C2CD3: variants seen among roughly 807,000 people sequenced by gnomAD.
The protein encoded by C2CD3 is C2 domain containing 3 centriole elongation regulator.
Under a neutral mutation model 234.0 loss-of-function variants are expected in C2CD3, and 148 were observed. The ratio of observed to expected loss-of-function variants is 0.63; its 90% CI spans 0.55 to 0.72. C2CD3 has a LOEUF of 0.72. C2CD3 is among the 30% of genes least tolerant of loss of function. The pLI, the probability that C2CD3 is intolerant of heterozygous loss-of-function variation, is 0.00. For synonymous variants in C2CD3, 1,000 were observed against 1,035.4 expected, an observed-to-expected ratio of 0.97 and a Z score of 0.66; for missense variants, 2,577 against 2,811.5, an observed-to-expected ratio of 0.92 and a Z score of 1.89.
At chr11:74,117,361 A>AATATATATATATAT (rs71469494) in intron 9 of C2CD3, among the ~76,000 whole-genome samples, 1,689 of 94,596 alleles carry the variant, frequency 0.018, 45 homozygotes, top group Non-Finnish European at 0.023. Flanking sequence ...TTTGGCCTCA[A>AATATATATATATAT]ATATATATAT....
At chr11:74,078,080 C>A in intron 23 of C2CD3, 35 bp downstream of exon 23, 1 of 1,587,516 alleles carries the variant, frequency 6.3e-7, no homozygotes, top group South Asian at 1.2e-5. Flanking sequence ...AGCAGGTGCT[C>A]AAACTACAAG....
At position 74,132,955 on chromosome 11, in the gene C2CD3, C is replaced by T; in HGVS notation, c.1106G>A (p.Arg369Lys). ...RASTQIRAFS[R>K]NRFKDHIEDH... ...TTCAATGTGGTCTTTAAACCGATTCCTAGAAAAGGCTCTGATCCTAAGGTG... is the reference window on the plus strand; with the variant it reads ...TTCAATGTGGTCTTTAAACCGATTCTTAGAAAAGGCTCTGATCCTAAGGTG... The change falls in exon 7 of 33, where the codon AGG (arginine) becomes AAG (lysine). Residue 369 changes from arginine to lysine, a missense_variant. Physicochemically the swap from Arg to Lys is conservative, Grantham distance 26 (BLOSUM62 2). Transcript: ENST00000334126. The T allele has an allele frequency of 3.1e-6, 5 of 1,613,754 alleles. No homozygotes were observed. Among genetic ancestry groups the T allele is most frequent in the Non-Finnish European group, 4.2e-6 (5 of 1,179,776 alleles).
chr11:74,100,435 T>G lies in C2CD3; in HGVS notation c.2732+90A>C. 21 of 1,201,094 alleles carry G rather than the reference T, an allele frequency of 1.7e-5. No homozygotes were observed. The South Asian group carries it at 3.1e-4, about 18-fold the overall frequency. 74.4% of individuals were successfully genotyped at this position (1,201,094 alleles called of 1,614,324 possible). On this transcript the variant is annotated intron_variant, in intron 15 of 32. Transcript: ENST00000334126. ...AAAGTCCTTCAAGGGATTACTGGGC[T>G]ATTCATGTTTGCAAATCAAAAGAAT...
chr11:74,112,064 G>A (rs1052201543), intron 11 of C2CD3, among the ~76,000 whole-genome samples: 8 of 151,868 alleles, frequency 5.3e-5, no homozygotes, highest in East Asian at 1.9e-4. Context: ...GGATGCAACC[G>A]TTCAATTTTG....
At chr11:74,047,451 G>A (rs758167374) in intron 28 of C2CD3, among the ~76,000 whole-genome samples, 27 of 152,316 alleles carry the variant, frequency 1.8e-4, no homozygotes, top group Non-Finnish European at 3.1e-4. Flanking sequence ...TAAAATCTGG[G>A]ATCTAGGAAT....
chr11:74,103,081 T>A (rs371328557), intron 14 of C2CD3, 50 bp downstream of exon 14: 1 of 1,515,090 alleles, frequency 6.6e-7, no homozygotes, highest in Non-Finnish European at 8.9e-7. Flanking sequence ...GGGAGGCATT[T>A]GTCTCTCACC....
chr11:74,054,655 G>GGTTT lies in C2CD3; in HGVS notation c.5106_5107insAAAC (p.Leu1703LysfsTer16). On this transcript the variant is annotated frameshift_variant, in exon 26 of 33. Coordinates refer to ENST00000334126, the MANE Select transcript of C2CD3 (RefSeq NM_001286577.2). LOFTEE classifies it high-confidence loss of function. ...ACCAGGGTTTGTTGTGGGTCCAGAA[G>GGTTT]CAGCTCTTTTGATAGCCTATTAAGA... 6.2e-7 allele frequency: 1 copy of GGTTT among 1,612,270 alleles called. No homozygotes were observed. Among genetic ancestry groups the GGTTT allele is most frequent in the Non-Finnish European group, 8.5e-7 (1 of 1,178,950 alleles).
At chr11:74,147,771 T>G (rs902476509) in intron 3 of C2CD3, among the ~76,000 whole-genome samples, 1 of 152,226 alleles carries the variant, frequency 6.6e-6, no homozygotes, top group Non-Finnish European at 1.5e-5. Context: ...GGCAAGGAAC[T>G]ATCTGTCCTA....
intron 7 of C2CD3, among the ~76,000 whole-genome samples, chr11:74,130,852 C>T (rs912371435): frequency 6.6e-6 from 1 of 152,084 alleles, no homozygotes; most frequent in Non-Finnish European, 1.5e-5. Flanking sequence ...ATTTGAGAAA[C>T]AGCTTGTCAA....
At chr11:74,129,203 G>T (rs1176969997) in intron 7 of C2CD3, 14 of 174,028 alleles carry the variant, frequency 8.0e-5, no homozygotes, top group Admixed American at 7.7e-4. Flanking sequence ...CCGGGACGGG[G>T]TGGCTGCCGG....
At chr11:74,025,655 G>C (rs1014566873) in intron 32 of C2CD3, among the ~76,000 whole-genome samples, 23 of 152,140 alleles carry the variant, frequency 1.5e-4, no homozygotes, top group Admixed American at 2.6e-4. Flanking sequence ...GAGGCCTGAA[G>C]GCTTGTCTAA....
intron 26 of C2CD3, among the ~76,000 whole-genome samples, chr11:74,052,125 C>T (rs1437501189): frequency 1.3e-5 from 2 of 152,174 alleles, no homozygotes; most frequent in Admixed American, 6.5e-5. Context: ...CATCTACATA[C>T]ACTAAGTAGT....
intron 10 of C2CD3, 135 bp from the exon 11 acceptor site, chr11:74,114,027 T>TTC: frequency 5.0e-6 from 3 of 605,524 alleles, no homozygotes; most frequent in Non-Finnish European, 8.6e-6. Flanking sequence ...CTTCAAAGCC[T>TTC]TCCACCAACC....
At chr11:74,070,222 T>C (rs1954732175) in intron 24 of C2CD3, among the ~76,000 whole-genome samples, 1 of 152,210 alleles carries the variant, frequency 6.6e-6, no homozygotes, top group Admixed American at 6.5e-5. Context: ...CCTCAGAGCT[T>C]TTTCTAACAT....
chr11:74,015,522 T>G (rs1250084215), intron 32 of C2CD3, among the ~76,000 whole-genome samples: 3 of 152,214 alleles, frequency 2.0e-5, no homozygotes, highest in African/African-American at 7.2e-5. Flanking sequence ...AGGTAGATTT[T>G]CTGGGTCATC....
chr11:74,117,894 CAA>C (rs371834587), intron 9 of C2CD3, among the ~76,000 whole-genome samples: 2 of 132,294 alleles, frequency 1.5e-5, no homozygotes, highest in African/African-American at 2.8e-5. Context: ...GTCTGGGAAA[CAA>C]GAGCGAAACT....
At chr11:74,030,330 T>G (rs1952473167) in intron 31 of C2CD3, among the ~76,000 whole-genome samples, 1 of 152,218 alleles carries the variant, frequency 6.6e-6, no homozygotes, top group South Asian at 2.1e-4. Flanking sequence ...TATTCTTATC[T>G]CCTCAGTTTA....
chr11:74,099,626 G>A (rs1956236315), intron 15 of C2CD3, among the ~76,000 whole-genome samples: 1 of 152,182 alleles, frequency 6.6e-6, no homozygotes, highest in African/African-American at 2.4e-5. Flanking sequence ...GCTGGGCGCG[G>A]TGGCTCATGC....
At position 74,117,091 on chromosome 11, in the gene C2CD3, T is replaced by C. The variant is rs1413020379; in HGVS notation, c.1520+1137A>G. ...ATATATATGAATATATATATGAATA[T>C]ATATATATGAATATATATATATGAA... is the stretch of plus-strand genomic sequence containing the variant. On this transcript the variant is annotated intron_variant, in intron 9 of 32. Transcript: ENST00000334126. Among the ~76,000 whole-genome samples, 2 of 68,346 alleles carry C rather than the reference T, an allele frequency of 2.9e-5. 1 individual carries two copies. The highest frequency in any genetic ancestry group is 5.3e-5 in the Non-Finnish European group (2 of 37,416). The allele number at this position is 68,346 out of a possible 152,430, so 44.8% of individuals were successfully genotyped here. A position where few individuals can be genotyped will look rare whatever the true frequency, so the allele number is the denominator to read the frequency against.
Sources: allele counts gnomAD v4.1 joint callset (sites outside exome capture counted in the v4.1 genomes callset), GRCh38; gene constraint gnomAD v4.1.1; transcripts MANE v1.5; gene names NCBI Gene and HGNC (gene_info 2026-07-23, HGNC 2026-07-21).